Variants in TSEN54 observed in about 807,000 individuals in gnomAD.
The protein encoded by TSEN54 is tRNA splicing endonuclease subunit 54.
A neutral mutation model predicts 61.9 loss-of-function variants in TSEN54; 55 were observed. The ratio of observed to expected loss-of-function variants is 0.89; its 90% CI spans 0.72 to 1.11. The LOEUF (loss-of-function observed/expected upper bound fraction) is 1.11. TSEN54 is among the 50% of genes most tolerant of loss of function. TSEN54 has a pLI of 0.00. For synonymous variants in TSEN54, 304 were observed against 288.7 expected (o/e 1.05, Z -0.54); for missense variants, 760 against 687.7 (o/e 1.11, Z -1.18).
chr17:75,522,614 C>T, intron 8 of TSEN54: 1 of 1,222,306 alleles, frequency 8.2e-7, no homozygotes, highest in Non-Finnish European at 1.1e-6. Context: ...CACCAACTAG[C>T]TGTGATCCCA....
At chr17:75,521,622 G>C (rs1240532197) in intron 7 of TSEN54, 83 bp from the exon 8 acceptor site, 2 of 1,564,230 alleles carry the variant, frequency 1.3e-6, no homozygotes, top group Non-Finnish European at 1.8e-6. Context: ...GGAGACACTA[G>C]GGGACCTGCC....
intron 6 of TSEN54, among the ~76,000 whole-genome samples, 193 bp downstream of exon 6, chr17:75,519,240 T>C (rs1438474129): frequency 6.6e-6 from 1 of 152,172 alleles, no homozygotes; most frequent in African/African-American, 2.4e-5. Context: ...TTTTGTTTTA[T>C]TCTGGTTTAT....
At chr17:75,518,162 G>C (rs1038779962) in intron 5 of TSEN54, among the ~76,000 whole-genome samples, 1 of 152,190 alleles carries the variant, frequency 6.6e-6, no homozygotes, top group African/African-American at 2.4e-5. Context: ...TGTCAGATAA[G>C]TTAATTTTGA....
chr17:75,523,249 G>A, intron 8 of TSEN54, 26 bp from the exon 9 acceptor site: 1 of 1,614,052 alleles, frequency 6.2e-7, no homozygotes, highest in Non-Finnish European at 8.5e-7. Context: ...CCCCTCCCCA[G>A]TACCTTGTTT....
At chr17:75,519,921 G>A (rs1568002261) in intron 6 of TSEN54, among the ~76,000 whole-genome samples, 2 of 152,120 alleles carry the variant, frequency 1.3e-5, no homozygotes, top group African/African-American at 4.8e-5. Context: ...GGAAATAATC[G>A]TGGACGTGTA....
chr17:75,523,171 T>G, intron 8 of TSEN54, 104 bp from the exon 9 acceptor site: 1 of 1,480,136 alleles, frequency 6.8e-7, no homozygotes, highest in East Asian at 2.3e-5. Context: ...AGAGTGAGAC[T>G]CCGTTTAAAA....
intron 6 of TSEN54, among the ~76,000 whole-genome samples, chr17:75,519,261 C>T (rs1598475539): frequency 6.6e-6 from 1 of 152,146 alleles, no homozygotes; most frequent in South Asian, 2.1e-4. Flanking sequence ...GAACTCGAGC[C>T]GCATCTTCAG....
At chr17:75,517,533 C>A (rs768222099) in intron 4 of TSEN54, 24 bp from the exon 5 acceptor site, 3 of 1,598,382 alleles carry the variant, frequency 1.9e-6, no homozygotes, top group South Asian at 1.1e-5. Context: ...GGCTCATAAG[C>A]TGAGCTGTTG....
At position 75,517,065 on chromosome 17, in the gene TSEN54, C is replaced by T. The variant is rs1289867668; in HGVS notation, c.278C>T (p.Ser93Phe). 2.5e-6 allele frequency: 4 copies of T among 1,596,470 alleles called. No homozygotes were observed. In the Admixed American group the frequency reaches 5.2e-5, roughly 21 times the overall value. The change falls in exon 3 of 11, where the codon TCT becomes TTT. Residue 93 changes from serine to phenylalanine, a missense_variant. Transcript: ENST00000333213. ...GAAGAGGGCTTCGTGGAGTTGAAGTCTCCCGCGGTGAGCGGCGGGCTCGGG... is the reference window on the plus strand; with the variant it reads ...GAAGAGGGCTTCGTGGAGTTGAAGTTTCCCGCGGTGAGCGGCGGGCTCGGG... ...RPEEGFVELKSPAGKFWQTMG... is the reference protein window; with the variant it reads ...RPEEGFVELKFPAGKFWQTMG...
At chr17:75,517,273 A>G in intron 4 of TSEN54, 29 bp downstream of exon 4, 2 of 1,570,762 alleles carry the variant, frequency 1.3e-6, no homozygotes, top group Non-Finnish European at 1.7e-6. Context: ...GTGGGGAAGG[A>G]GTTGGGACCA....
intron 7 of TSEN54, 49 bp from the exon 8 acceptor site, chr17:75,521,656 A>T: frequency 6.3e-7 from 1 of 1,598,804 alleles, no homozygotes; most frequent in Non-Finnish European, 8.6e-7. Context: ...GGACGTGTGC[A>T]CCTTAGCAAC....
rs1555644470 is a variant in TSEN54 at position 75,521,434 on chromosome 17, C to T, written c.547C>T (p.Gln183Ter). The T allele has an allele frequency of 6.2e-7, 1 of 1,614,104 alleles. No individual in the cohort carries two copies. The highest frequency in any genetic ancestry group is 8.5e-7 in the Non-Finnish European group (1 of 1,180,018). The part of the protein sequence containing the change: ...PSSVLSPYER[Q>*]LNLDASVQHL... ...CTCTGTCCTGTCCCCGTATGAGAGG[C>T]AGCTTAACCTGGATGCCAGCGTGCA... The change falls in exon 7 of 11, where the codon CAG (glutamine) becomes TAG (stop). Residue 183 changes from glutamine to a stop codon, truncating the protein, a stop_gained. Transcript: ENST00000333213. LOFTEE classifies it high-confidence loss of function.
intron 10 of TSEN54, among the ~76,000 whole-genome samples, chr17:75,524,023 C>G (rs557966742): frequency 1.4e-4 from 21 of 152,280 alleles, no homozygotes; most frequent in African/African-American, 4.6e-4. Context: ...ACTCACCCAG[C>G]AGAAGGGATG....
chr17:75,517,162 G>A lies in TSEN54; in HGVS notation c.287G>A (p.Gly96Asp), dbSNP rs746239982. 6.2e-7 allele frequency: 1 copy of A among 1,604,024 alleles called. No individual in the cohort carries two copies. The highest frequency in any genetic ancestry group is 1.1e-5 in the South Asian group (1 of 89,214). Residue 96 changes from glycine to aspartate, a missense_variant and splice_region_variant, in exon 4 of 11, where the codon GGC becomes GAC. Around this residue, in one of 3 missense-constraint regions of TSEN54, gnomAD observed 667 missense variants for 577.8 expected, o/e 1.15. Coordinates refer to ENST00000333213, the MANE Select transcript of TSEN54 (RefSeq NM_207346.3). ...EGFVELKSPA[G>D]KFWQTMGFSE... The stretch of plus-strand genomic sequence containing the variant: ...ACACTTGCTCTGGGCCCCACACAGG[G>A]CAAATTCTGGCAGACCATGGGCTTC...
At chr17:75,522,620 TC>T in intron 8 of TSEN54, 1 of 1,171,808 alleles carries the variant, frequency 8.5e-7, no homozygotes, top group South Asian at 1.8e-5. Flanking sequence ...CTAGCTGTGA[TC>T]CCAACCTGTT....
chr17:75,517,203 C>A lies in TSEN54; in HGVS notation c.328C>A (p.Gln110Lys), dbSNP rs2053381278. The A allele has an allele frequency of 6.2e-7, 1 of 1,607,424 alleles. No individual in the cohort carries two copies. Among genetic ancestry groups the A allele is most frequent in the African/African-American group, 1.3e-5 (1 of 74,902 alleles). Residue 110 changes from glutamine to lysine, a missense_variant, in exon 4 of 11, where the codon CAG (glutamine) becomes AAG (lysine). This residue lies in a region of TSEN54 where 667 missense variants were observed against 577.8 expected (regional missense o/e 1.15). Coordinates refer to ENST00000333213, the MANE Select transcript of TSEN54 (RefSeq NM_207346.3). Reference protein sequence around the residue: ...QTMGFSEQGRQRLHPEEALYL... With the variant: ...QTMGFSEQGRKRLHPEEALYL... ...CATGGGCTTCTCAGAGCAGGGCCGG[C>A]AGCGCCTTCACCCGGAAGAGGCCTT...
chr17:75,520,100 CAA>C (rs138615816), intron 6 of TSEN54, among the ~76,000 whole-genome samples: 14,236 of 152,202 alleles, frequency 0.094, 888 homozygotes, highest in African/African-American at 0.16. Flanking sequence ...TACTTGCAAA[CAA>C]GAGTTGAACA....
At chr17:75,519,097 G>A in intron 6 of TSEN54, 50 bp downstream of exon 6, 1 of 1,603,456 alleles carries the variant, frequency 6.2e-7, no homozygotes, top group South Asian at 1.1e-5. Flanking sequence ...CTGGGACCTG[G>A]CTGACTAGTC....
Position 75,522,167 on chromosome 17 carries a change from C to A in TSEN54, c.1086C>A (p.Phe362Leu). ...EREHHAEAAQ[F>L]QEDVNADPEV... is the part of the protein sequence containing the mutation. Reference sequence around the variant, plus strand: ...AGCACCACGCGGAGGCCGCGCAGTTCCAGGAAGATGTCAACGCCGATCCCG... The same window carrying A: ...AGCACCACGCGGAGGCCGCGCAGTTACAGGAAGATGTCAACGCCGATCCCG... Residue 362 changes from phenylalanine to leucine, a missense_variant, in exon 8 of 11, where the codon TTC (phenylalanine) becomes TTA (leucine). By Grantham distance (22) the Phe-to-Leu change is conservative. Transcript: ENST00000333213. The A allele has an allele frequency of 1.3e-6, 2 of 1,553,428 alleles. No individual in the cohort carries two copies. Among genetic ancestry groups the A allele is most frequent in the Non-Finnish European group, 8.7e-7 (1 of 1,146,778 alleles).
Sources: allele counts gnomAD v4.1 joint callset (sites outside exome capture counted in the v4.1 genomes callset), GRCh38; gene constraint gnomAD v4.1.1; regional missense constraint gnomAD v4.1.1; transcripts MANE v1.5; gene names NCBI Gene and HGNC (gene_info 2026-07-23, HGNC 2026-07-21).